GCNT2: variants seen among roughly 807,000 people sequenced by gnomAD.
The protein encoded by GCNT2 is N-acetyllactosaminide beta-1,6-N-acetylglucosaminyl-transferase.
Under a neutral mutation model 34.2 loss-of-function variants are expected in GCNT2, and 34 were observed. The observed-to-expected ratio is 1.00, with a 90% confidence interval of 0.76 to 1.32. The LOEUF (loss-of-function observed/expected upper bound fraction) is 1.32, where lower values mean the gene tolerates loss of function less well. Among genes scored for constraint, GCNT2 ranks in the 40% most tolerant of loss-of-function variants. The pLI is 0.00. For missense variants in GCNT2, 584 were observed against 489.4 expected (o/e 1.19, Z -1.82); for synonymous variants, 212 against 188.0 (o/e 1.13, Z -1.04).
At chr6:10,591,746 C>T (rs1484399080) in intron 3 of GCNT2, among the ~76,000 whole-genome samples, 1 of 152,168 alleles carries the variant, frequency 6.6e-6, no homozygotes, top group African/African-American at 2.4e-5. Flanking sequence ...GTAGACTTCT[C>T]CTGAATTGTT....
intron 3 of GCNT2, among the ~76,000 whole-genome samples, chr6:10,580,757 A>G (rs1437750528): frequency 6.6e-6 from 1 of 152,164 alleles, no homozygotes; most frequent in Admixed American, 6.5e-5. Context: ...ACTCACCTGC[A>G]GTGGAAGCAG....
intron 3 of GCNT2, among the ~76,000 whole-genome samples, chr6:10,583,113 G>GC (rs1201986216): frequency 6.6e-6 from 1 of 152,078 alleles, no homozygotes; most frequent in Non-Finnish European, 1.5e-5. Context: ...ATTTTTAAAG[G>GC]CCTCAATGTG....
chr6:10,625,346 G>C (rs1380604422), intron 4 of GCNT2, among the ~76,000 whole-genome samples: 2 of 152,178 alleles, frequency 1.3e-5, no homozygotes, highest in East Asian at 3.9e-4. Flanking sequence ...ATACTTGTGA[G>C]ACACAAGGCC....
At chr6:10,584,935 A>T (rs1249897496) in intron 3 of GCNT2, among the ~76,000 whole-genome samples, 1 of 150,174 alleles carries the variant, frequency 6.7e-6, no homozygotes, top group African/African-American at 2.5e-5. Flanking sequence ...ATCAACACTG[A>T]CTCTTTCATG....
rs149401038 is a variant in GCNT2 at position 10,529,940 on chromosome 6, C to A, written c.925+104C>A. ...GGAAAAAATGGGACAAACTTCTTTACGGTTTTAAATGTCAAATTAAAAAAA... is the reference window on the plus strand; with the variant it reads ...GGAAAAAATGGGACAAACTTCTTTAAGGTTTTAAATGTCAAATTAAAAAAA... On this transcript the variant is annotated intron_variant, in intron 3 of 4. Coordinates refer to ENST00000495262, the MANE Select transcript of GCNT2 (RefSeq NM_145649.5). 2,446 of 969,140 alleles carry A rather than the reference C, an allele frequency of 2.5e-3. 36 individuals carry two copies. In the African/African-American group the frequency reaches 0.035, roughly 14 times the overall value. 60.0% of individuals were successfully genotyped at this position (969,140 alleles called of 1,614,324 possible).
At chr6:10,530,781 G>A (rs141156854) in intron 3 of GCNT2, among the ~76,000 whole-genome samples, 2,485 of 152,054 alleles carry the variant, frequency 0.016, 66 homozygotes, top group African/African-American at 0.056. Context: ...TAGGCTGAGC[G>A]CAGTGGCTCA....
intron 3 of GCNT2, among the ~76,000 whole-genome samples, chr6:10,539,743 CT>C (rs1761954056): frequency 1.3e-5 from 2 of 152,046 alleles, no homozygotes; most frequent in African/African-American, 2.4e-5. Context: ...AAAACAAAAC[CT>C]TCTAACATTT....
In GCNT2 at chr6:10,556,921, G is replaced by A. The variant is rs1346744400; in HGVS notation, c.925+27085G>A. On this transcript the variant is annotated intron_variant, in intron 3 of 4. Transcript: ENST00000495262. ...TCTATGGAGGGATCTCCAGGCTCCA[G>A]GCTGACCTGAACTGCATCAGAGATC... The A allele has an allele frequency of 5.6e-6, 9 of 1,614,050 alleles. No homozygotes were observed. The Admixed American group carries it at 1.3e-4, about 24-fold the overall frequency.
In GCNT2 at chr6:10,627,868, CAGAG is replaced by C. The variant is rs1766335327; in HGVS notation, c.*1264_*1267del. The C allele has an allele frequency of 6.6e-6, 1 of 152,264 alleles. No homozygotes were observed. Among genetic ancestry groups the C allele is most frequent in the African/African-American group, 2.4e-5 (1 of 41,424 alleles). 9.4% of individuals were successfully genotyped at this position (152,264 alleles called of 1,614,324 possible). On this transcript the variant is annotated 3_prime_UTR_variant, in exon 5 of 5. Transcript: ENST00000495262. ...AAGGGTTAAATCAGAGATTATTCAA[CAGAG>C]AGGGAGAAAGGAGGAGACAGAGGGA...
intron 3 of GCNT2, among the ~76,000 whole-genome samples, chr6:10,557,657 T>G (rs1473510049): frequency 6.6e-6 from 1 of 151,956 alleles, no homozygotes; most frequent in East Asian, 1.9e-4. Context: ...TGGGCTAATT[T>G]TTAAAAAAAA....
intron 1 of GCNT2, among the ~76,000 whole-genome samples, chr6:10,524,273 G>A (rs1415492349): frequency 6.8e-6 from 1 of 147,246 alleles, no homozygotes; most frequent in East Asian, 2.0e-4. Flanking sequence ...TTTTTTAGAC[G>A]GAGTTTCGCT....
At chr6:10,582,536 T>TATATA (rs550636464) in intron 3 of GCNT2, among the ~76,000 whole-genome samples, 11,209 of 124,558 alleles carry the variant, frequency 0.09, 1,897 homozygotes, top group African/African-American at 0.33. Flanking sequence ...CATCATATAT[T>TATATA]ATATATCATG....
chr6:10,537,412 A>G (rs1034971274), intron 3 of GCNT2, among the ~76,000 whole-genome samples: 50 of 152,064 alleles, frequency 3.3e-4, no homozygotes, highest in African/African-American at 1.1e-3. Context: ...TCAAAAATGC[A>G]TTTAATGGCC....
chr6:10,541,391 A>G (rs1395285269), intron 3 of GCNT2, among the ~76,000 whole-genome samples: 2 of 152,046 alleles, frequency 1.3e-5, no homozygotes, highest in Non-Finnish European at 2.9e-5. Context: ...TATATACGAC[A>G]TTTTCTTTAT....
In GCNT2 at chr6:10,576,920, CAAT is replaced by C. The variant is rs142548361; in HGVS notation, c.926-44413_926-44411del. ...TAGACTCCATGTCTAAAAATAATAA[CAAT>C]AATAATAATAATAATAAAATTAGCC... On this transcript the variant is annotated intron_variant, in intron 3 of 4. Coordinates refer to ENST00000495262, the MANE Select transcript of GCNT2 (RefSeq NM_145649.5). Among the ~76,000 whole-genome samples the C allele has an allele frequency of 4.5e-3, 676 of 151,416 alleles. 7 individuals carry two copies. Among genetic ancestry groups the C allele is most frequent in the African/African-American group, 0.015 (616 of 41,296 alleles).
chr6:10,548,210 G>A (rs1762346813), intron 3 of GCNT2, among the ~76,000 whole-genome samples: 2 of 152,034 alleles, frequency 1.3e-5, no homozygotes, highest in South Asian at 4.2e-4. Context: ...CTCCAGCCTG[G>A]GCAACAGAAT....
intron 3 of GCNT2, among the ~76,000 whole-genome samples, chr6:10,580,314 C>T (rs1280412991): frequency 6.6e-6 from 1 of 152,146 alleles, no homozygotes; most frequent in South Asian, 2.1e-4. Context: ...CCCAGCAGCC[C>T]CCACCCAATC....
intron 2 of GCNT2, among the ~76,000 whole-genome samples, chr6:10,528,002 G>GGCATAATAT (rs1761284239): frequency 1.3e-5 from 2 of 152,160 alleles, no homozygotes; most frequent in Non-Finnish European, 2.9e-5. Flanking sequence ...ATCCTATGCG[G>GGCATAATAT]ACCAGGGCAA....
intron 3 of GCNT2, among the ~76,000 whole-genome samples, chr6:10,611,233 A>G (rs1765536162): frequency 6.6e-6 from 1 of 151,614 alleles, no homozygotes; most frequent in African/African-American, 2.4e-5. Context: ...TTGAAAAAAA[A>G]AAAAAATCCT....
Sources: allele counts gnomAD v4.1 joint callset (sites outside exome capture counted in the v4.1 genomes callset), GRCh38; gene constraint gnomAD v4.1.1; transcripts MANE v1.5; gene names NCBI Gene and HGNC (gene_info 2026-07-23, HGNC 2026-07-21).